The following FSCN3 variants were observed in gnomAD, a reference collection of about 807,000 sequenced individuals.
FSCN3 encodes the protein fascin actin-bundling protein 3, also known as fascin-3.
FSCN3 carries 43 observed loss-of-function variants against 53.5 expected under a neutral mutation model. That is an observed-to-expected ratio of 0.80 (90% CI 0.63 to 1.04). The LOEUF (loss-of-function observed/expected upper bound fraction) is 1.04. FSCN3 is among the 50% of genes least tolerant of loss of function. The pLI is 0.00. For synonymous variants in FSCN3, 235 were observed against 246.6 expected (o/e 0.95, Z 0.44); for missense variants, 594 against 646.5 (o/e 0.92, Z 0.88).
chr7:127,596,499 C>G, intron 3 of FSCN3, 53 bp downstream of exon 3: 2 of 773,340 alleles, frequency 2.6e-6, no homozygotes, highest in East Asian at 2.7e-5. Context: ...AGCTCTCCCT[C>G]CCTAGACTTC....
chr7:127,599,462 C>A lies in FSCN3; in HGVS notation c.1202C>A (p.Ser401Ter), dbSNP rs773868040. The A allele has an allele frequency of 1.2e-6, 2 of 1,614,100 alleles. No homozygotes were observed. The change falls in exon 5 of 7, where the codon TCA (serine) becomes TAA (stop). Residue 401 changes from serine (S) to a stop codon, truncating the protein, a stop_gained. Coordinates refer to ENST00000265825, the MANE Select transcript of FSCN3 (RefSeq NM_020369.3). LOFTEE classifies it high-confidence loss of function. ...LRGRYGYVGSSSGHDLIQCNQ... is the reference protein window; with the variant it reads ...LRGRYGYVGS ...GGTCGTTATGGCTATGTGGGCTCCT[C>A]ATCGGGCCATGACCTCATACAGTGC...
rs767355284 is a variant in FSCN3, at chr7:127,594,280, G to GTGCA, written c.144+283_144+284insTGCA. On this transcript the variant is annotated intron_variant, in intron 1 of 6. Transcript: ENST00000265825. ...TGTGTGTGTGTGTGTGTGTGTGTGT[G>GTGCA]CGCACTTGCCTGTATATGAAAGCAG... Among the ~76,000 whole-genome samples the GTGCA allele has an allele frequency of 3.6e-4, 16 of 44,806 alleles. 1 individual carries two copies. The highest frequency in any genetic ancestry group is 2.1e-3 in the African/African-American group (15 of 7,040). The allele number at this position is 44,806 out of a possible 152,430, so 29.4% of individuals were successfully genotyped here.
Position 127,595,313 on chromosome 7 carries a change from G to C in FSCN3, c.151G>C (p.Glu51Gln), listed in dbSNP as rs773652430. 6.2e-7 allele frequency: 1 copy of C among 1,608,936 alleles called. No homozygotes were observed. The highest frequency in any genetic ancestry group is 1.3e-5 in the African/African-American group (1 of 74,830). ...AKSLGRRQTW[E>Q]ILVSNEHETQ... ...TCCCTCCTGATGCCTCCAGACCTGG[G>C]AGATCTTGGTGAGCAATGAGCATGA... The change falls in exon 2 of 7, where the codon GAG (glutamate) becomes CAG (glutamine). Residue 51 changes from glutamate to glutamine, a missense_variant. Coordinates refer to ENST00000265825, the MANE Select transcript of FSCN3 (RefSeq NM_020369.3).
chr7:127,597,366 T>C (rs1032840029), intron 3 of FSCN3, among the ~76,000 whole-genome samples: 2 of 152,230 alleles, frequency 1.3e-5, no homozygotes, highest in Admixed American at 6.5e-5. Context: ...GAATTCCATA[T>C]CCTCACCAAT....
intron 1 of FSCN3, among the ~76,000 whole-genome samples, 163 bp downstream of exon 1, chr7:127,594,160 C>CTGTGTG (rs749215425): frequency 0.06 from 5,393 of 89,178 alleles, 570 homozygotes; most frequent in African/African-American, 0.13. Context: ...AGTGGCCAAG[C>CTGTGTG]TGTGTGTGTG....
chr7:127,595,423 A>G lies in FSCN3; in HGVS notation c.261A>G (p.Pro87=). 2 of 1,614,136 alleles carry G rather than the reference A, an allele frequency of 1.2e-6. No individual in the cohort carries two copies. The highest frequency in any genetic ancestry group is 1.7e-6 in the Non-Finnish European group (2 of 1,180,022). The change falls in exon 2 of 7, where the codon CCA becomes CCG. Residue 87 remains proline (P), a synonymous_variant. Transcript: ENST00000265825. ...ATGGCACCGTGTGTTATGGCCGCCCAAGGACCAGCCACCATGGGTGCTTTC... is the reference window on the plus strand; with the variant it reads ...ATGGCACCGTGTGTTATGGCCGCCCGAGGACCAGCCACCATGGGTGCTTTC... ...ECDGTVCYGR[P]RTSHHGCFLL...
chr7:127,599,497 C>G lies in FSCN3; in HGVS notation c.1237C>G (p.Gln413Glu). ...GHDLIQCNQD[Q>E]PDRIHLLPCR... is the part of the protein sequence containing the mutation. ...TGACCTCATACAGTGCAACCAGGAT[C>G]AGCCCGACCGCATTCATCTACTACC... Residue 413 changes from glutamine (Q) to glutamate (E), a missense_variant, in exon 5 of 7, where the codon CAG becomes GAG. By Grantham distance (29) the Gln-to-Glu change is conservative. Transcript: ENST00000265825. 6.2e-7 allele frequency: 1 copy of G among 1,614,152 alleles called. No individual in the cohort carries two copies. The highest frequency in any genetic ancestry group is 8.5e-7 in the Non-Finnish European group (1 of 1,180,016).
At position 127,598,030 on chromosome 7, in the gene FSCN3, T is replaced by A. The variant is rs149960554; in HGVS notation, c.961-405T>A. 3.3e-5 allele frequency among the ~76,000 whole-genome samples: 5 copies of A among 152,376 alleles called. No homozygotes were observed. In the East Asian group the frequency reaches 5.8e-4, roughly 18 times the overall value. On this transcript the variant is annotated intron_variant, in intron 3 of 6. Coordinates refer to ENST00000265825, the MANE Select transcript of FSCN3 (RefSeq NM_020369.3). ...GTGAAGTTCAGTTTATCAATTTTTT[T>A]AAATGGTTACTGCTTTTCTTGTCCC...
chr7:127,598,814 A>G (rs806217), intron 4 of FSCN3, among the ~76,000 whole-genome samples: 109,414 of 152,002 alleles, frequency 0.72, 40,710 homozygotes, highest in East Asian at 0.94. Flanking sequence ...ACAAAAATTA[A>G]CCAGACATGG....
chr7:127,595,099 G>C, intron 1 of FSCN3: 2 of 602,210 alleles, frequency 3.3e-6, no homozygotes. Flanking sequence ...CTGGCTGCAG[G>C]GGTGGAAGGG....
intron 6 of FSCN3, 48 bp downstream of exon 6, chr7:127,600,447 G>A (rs748586755): frequency 2.6e-6 from 3 of 1,172,126 alleles, no homozygotes; most frequent in Non-Finnish European, 3.8e-6. Context: ...AAGCCATGGG[G>A]CAAGAGGAGA....
rs777034529 is a variant in FSCN3, at chr7:127,593,929, A to G, written c.76A>G (p.Thr26Ala). Reference sequence around the variant, plus strand: ...GGTTGGGCTCATCAGCTGGGCAGGAACCTACCTCACCTTTGAGGCATGCAA... The same window carrying G: ...GGTTGGGCTCATCAGCTGGGCAGGAGCCTACCTCACCTTTGAGGCATGCAA... Reference protein sequence around the residue: ...LRVGLISWAGTYLTFEACKNT... With the variant: ...LRVGLISWAGAYLTFEACKNT... Residue 26 changes from threonine (T) to alanine (A), a missense_variant, in exon 1 of 7, where the codon ACC becomes GCC. Coordinates refer to ENST00000265825, the MANE Select transcript of FSCN3 (RefSeq NM_020369.3). 19 of 1,608,730 alleles carry G rather than the reference A, an allele frequency of 1.2e-5. No homozygotes were observed. The South Asian group carries it at 2.0e-4, about 17-fold the overall frequency.
intron 2 of FSCN3, 28 bp from the exon 3 acceptor site, chr7:127,596,300 C>G: frequency 1.1e-5 from 17 of 1,560,050 alleles, no homozygotes; most frequent in Non-Finnish European, 1.5e-5. Context: ...TGAGGGGAGG[C>G]TTTTACTGAC....
Position 127,595,818 on chromosome 7 carries a change from T to C in FSCN3, c.656T>C (p.Val219Ala). The C allele has an allele frequency of 1.9e-6, 3 of 1,613,542 alleles. No homozygotes were observed. Among genetic ancestry groups the C allele is most frequent in the Non-Finnish European group, 2.5e-6 (3 of 1,179,690 alleles). Residue 219 changes from valine to alanine, a missense_variant, in exon 2 of 7, where the codon GTG (valine) becomes GCG (alanine). By Grantham distance (64) the Val-to-Ala change is moderately conservative (BLOSUM62 0). Transcript: ENST00000265825. Reference sequence around the variant, plus strand: ...TCACAGACAGCTTTTCACATGCAAGTGCGGCCTGGAGGGCTTGTGGCACTG... The same window carrying C: ...TCACAGACAGCTTTTCACATGCAAGCGCGGCCTGGAGGGCTTGTGGCACTG... ...PSSQTAFHMQVRPGGLVALCD... is the reference protein window; with the variant it reads ...PSSQTAFHMQARPGGLVALCD...
At position 127,593,977 on chromosome 7, in the gene FSCN3, AAG is replaced by A. The variant is rs755610046; in HGVS notation, c.127_128del (p.Ser43PhefsTer14). On this transcript the variant is annotated frameshift_variant, in exon 1 of 7. Transcript: ENST00000265825. LOFTEE classifies it high-confidence loss of function. ...ACKNTVTATA[K>X]SLGRRQTWEI... ...CAAGAATACAGTCACTGCAACTGCG[AAG>A]AGTTTGGGCAGGAGACAGGTGACAA... 6.2e-7 allele frequency: 1 copy of A among 1,612,820 alleles called. No individual in the cohort carries two copies. Among genetic ancestry groups the A allele is most frequent in the East Asian group, 2.2e-5 (1 of 44,874 alleles).
intron 3 of FSCN3, among the ~76,000 whole-genome samples, chr7:127,597,317 C>G (rs1794403487): frequency 6.6e-6 from 1 of 152,112 alleles, no homozygotes; most frequent in Non-Finnish European, 1.5e-5. Context: ...AGTGATTATA[C>G]TATTTTACAT....
At chr7:127,595,247 C>T in intron 1 of FSCN3, 60 bp from the exon 2 acceptor site, 1 of 1,466,502 alleles carries the variant, frequency 6.8e-7, no homozygotes, top group South Asian at 1.3e-5. Context: ...AGTTGCAGGG[C>T]TCCTTGGTCT....
rs1211975126 is a variant in FSCN3, at chr7:127,593,884, C to T, written c.31C>T (p.Pro11Ser). 2.5e-6 allele frequency: 4 copies of T among 1,579,992 alleles called. No individual in the cohort carries two copies. The highest frequency in any genetic ancestry group is 2.7e-5 in the African/African-American group (2 of 74,294). The change falls in exon 1 of 7, where the codon CCC becomes TCC. Residue 11 changes from proline (P) to serine (S), a missense_variant. Physicochemically the swap from Pro to Ser is moderately conservative, Grantham distance 74. Transcript: ENST00000265825. MDETEWIHRH[P>S]KAEDLRVGLI... ...TGAGACAGAGTGGATACACAGACAT[C>T]CCAAGGCTGAGGACCTAAGGGTTGG...
Position 127,599,569 on chromosome 7 carries a change from C to G in FSCN3, c.1291+18C>G. ...CTTCCAGGGTGAGTGGCTCCTCTTCCCTGCCCAAGGGTTCACAGTCTAGTC... is the reference window on the plus strand; with the variant it reads ...CTTCCAGGGTGAGTGGCTCCTCTTCGCTGCCCAAGGGTTCACAGTCTAGTC... On this transcript the variant is annotated intron_variant, in intron 5 of 6. Coordinates refer to ENST00000265825, the MANE Select transcript of FSCN3 (RefSeq NM_020369.3). The G allele has an allele frequency of 4.3e-6, 7 of 1,612,282 alleles. No individual in the cohort carries two copies. The highest frequency in any genetic ancestry group is 5.9e-6 in the Non-Finnish European group (7 of 1,178,616).
Sources: allele counts gnomAD v4.1 joint callset (sites outside exome capture counted in the v4.1 genomes callset), GRCh38; gene constraint gnomAD v4.1.1; transcripts MANE v1.5; gene names NCBI Gene and HGNC (gene_info 2026-07-23, HGNC 2026-07-21).